GPHN: variants seen among roughly 807,000 people sequenced by gnomAD.
GPHN encodes the protein gephyrin.
GPHN carries 17 observed loss-of-function variants against 95.5 expected under a neutral mutation model. That is an observed-to-expected ratio of 0.18 (90% CI 0.12 to 0.27). The LOEUF (loss-of-function observed/expected upper bound fraction) is 0.27. Ranked by LOEUF, GPHN falls within the 10% of genes least tolerant of loss-of-function variation. GPHN has a pLI of 1.00. For missense variants in GPHN, 660 were observed against 978.1 expected (o/e 0.67, Z 4.34); for synonymous variants, 320 against 322.5 (o/e 0.99, Z 0.08).
chr14:66,898,442 C>CCTT (rs2064969402), intron 5 of GPHN, among the ~76,000 whole-genome samples: 2 of 135,032 alleles, frequency 1.5e-5, no homozygotes, highest in South Asian at 4.7e-4. Flanking sequence ...GTATGAACGA[C>CCTT]CACTTGCTCC....
chr14:67,007,713 A>G (rs1396495598), intron 9 of GPHN, among the ~76,000 whole-genome samples: 1 of 152,158 alleles, frequency 6.6e-6, no homozygotes, highest in African/African-American at 2.4e-5. Flanking sequence ...TTCACTTGCA[A>G]TTATCTAACT....
intron 10 of GPHN, among the ~76,000 whole-genome samples, chr14:67,049,718 G>A (rs1034996801): frequency 6.6e-6 from 1 of 152,010 alleles, no homozygotes; most frequent in Admixed American, 6.6e-5. Context: ...TCACCATGTT[G>A]GCCAGGATGG....
At chr14:67,000,336 C>G (rs2072129874) in intron 9 of GPHN, among the ~76,000 whole-genome samples, 1 of 151,596 alleles carries the variant, frequency 6.6e-6, no homozygotes, top group Non-Finnish European at 1.5e-5. Context: ...AAACACCATA[C>G]CATTTTCTAT....
intron 8 of GPHN, among the ~76,000 whole-genome samples, chr14:66,951,629 G>C (rs1265023217): frequency 1.3e-5 from 2 of 151,440 alleles, no homozygotes; most frequent in Non-Finnish European, 2.9e-5. Flanking sequence ...ACAAGAAAAA[G>C]ATCAAAGTGG....
At chr14:67,519,558 T>C in the GPHN span, among the ~76,000 whole-genome samples, 63,911 of 151,914 alleles carry the variant, frequency 0.42, 13,964 homozygotes, top group East Asian at 0.48. Context: ...CCCTACTAGG[T>C]ACTGCACATC....
intron 16 of GPHN, among the ~76,000 whole-genome samples, chr14:67,115,059 C>T (rs769214115): frequency 5.3e-5 from 8 of 152,128 alleles, no homozygotes; most frequent in Non-Finnish European, 1.0e-4. Flanking sequence ...TAAACTATAC[C>T]ACAGTTTTCC....
intron 2 of GPHN, among the ~76,000 whole-genome samples, chr14:66,754,949 T>C (rs1335014870): frequency 1.3e-5 from 2 of 152,092 alleles, no homozygotes; most frequent in African/African-American, 4.8e-5. Flanking sequence ...TAGACAGTAT[T>C]TTATCTTACA....
intron 2 of GPHN, among the ~76,000 whole-genome samples, chr14:66,711,605 TA>T (rs200623507): frequency 1.5e-4 from 21 of 140,622 alleles, no homozygotes; most frequent in African/African-American, 4.9e-4. Context: ...TTTTTTTTTT[TA>T]AATTATACTT....
At chr14:66,983,677 T>C (rs2070830997) in intron 9 of GPHN, among the ~76,000 whole-genome samples, 1 of 152,354 alleles carries the variant, frequency 6.6e-6, no homozygotes, top group Non-Finnish European at 1.5e-5. Context: ...TAAATCAGTC[T>C]TATAATCTAG....
intron 1 of GPHN, among the ~76,000 whole-genome samples, chr14:66,675,473 G>A (rs1422427691): frequency 1.3e-5 from 2 of 152,048 alleles, no homozygotes; most frequent in African/African-American, 4.8e-5. Flanking sequence ...CAGATTTTTT[G>A]ATGGGTTGTG....
At chr14:66,682,042 A>AT (rs1240177594) in intron 2 of GPHN, among the ~76,000 whole-genome samples, 1 of 152,224 alleles carries the variant, frequency 6.6e-6, no homozygotes, top group African/African-American at 2.4e-5. Flanking sequence ...TTTGTGAGGA[A>AT]TAAACACAAG....
chr14:67,184,856 T>A (rs1050297941), downstream of GPHN, among the ~76,000 whole-genome samples: 11 of 152,082 alleles, frequency 7.2e-5, no homozygotes, highest in African/African-American at 2.7e-4. Flanking sequence ...AGGACAGGCC[T>A]TGGGGTGTTG....
chr14:66,520,701 CT>C (rs11384746), intron 1 of GPHN, among the ~76,000 whole-genome samples: 23 of 146,846 alleles, frequency 1.6e-4, no homozygotes, highest in East Asian at 4.0e-4. Flanking sequence ...GAAATATTTT[CT>C]TTTTTTTTTT....
intron 2 of GPHN, among the ~76,000 whole-genome samples, chr14:66,741,449 A>G (rs1326877140): frequency 6.6e-6 from 1 of 152,150 alleles, no homozygotes; most frequent in Non-Finnish European, 1.5e-5. Context: ...TGCATATATG[A>G]TTTATTCAGG....
At chr14:66,955,919 T>A (rs11158649) in intron 8 of GPHN, among the ~76,000 whole-genome samples, 44,863 of 151,994 alleles carry the variant, frequency 0.3, 10,689 homozygotes, top group African/African-American at 0.63. Context: ...TATTCCATGG[T>A]GTATATGTGC....
intron 1 of GPHN, among the ~76,000 whole-genome samples, chr14:66,661,517 G>C (rs971056433): frequency 6.6e-6 from 1 of 152,190 alleles, no homozygotes; most frequent in African/African-American, 2.4e-5. Context: ...GCGGGGAGGG[G>C]CAGGCTACCA....
At position 66,508,308 on chromosome 14, in the gene GPHN, C is replaced by G; in HGVS notation, c.-220C>G. On this transcript the variant is annotated 5_prime_UTR_variant, in exon 1 of 23. Coordinates refer to ENST00000478722, the MANE Select transcript of GPHN (RefSeq NM_020806.5). ...CTTGCCGGACTTGGGGCCGCGCGCC[C>G]TGACTCCTTCCCCTCCCGCGGACCC... is the stretch of plus-strand genomic sequence containing the variant. 1.7e-6 allele frequency: 1 copy of G among 598,960 alleles called. No homozygotes were observed. Among genetic ancestry groups the G allele is most frequent in the Non-Finnish European group, 3.0e-6 (1 of 336,218 alleles). 37.1% of individuals were successfully genotyped at this position (598,960 alleles called of 1,614,324 possible). A position where few individuals can be genotyped will look rare whatever the true frequency, so the allele number is the denominator to read the frequency against.
chr14:67,265,728 G>GC, the GPHN span, among the ~76,000 whole-genome samples: 1 of 151,354 alleles, frequency 6.6e-6, no homozygotes, highest in African/African-American at 2.4e-5. Context: ...GCAGTGACAC[G>GC]CCCCTGTAAT....
chr14:66,563,713 T>C (rs2060354087), intron 1 of GPHN, among the ~76,000 whole-genome samples: 1 of 152,204 alleles, frequency 6.6e-6, no homozygotes, highest in Non-Finnish European at 1.5e-5. Context: ...TATCTTTGTG[T>C]AGAAAAAACT....
Sources: allele counts gnomAD v4.1 joint callset (sites outside exome capture counted in the v4.1 genomes callset), GRCh38; gene constraint gnomAD v4.1.1; transcripts MANE v1.5; gene names NCBI Gene and HGNC (gene_info 2026-07-23, HGNC 2026-07-21).